Variants in PHF21B observed in about 807,000 individuals in gnomAD.
PHF21B encodes the protein PHD finger protein 21B.
Under a neutral mutation model 62.2 loss-of-function variants are expected in PHF21B, and 22 were observed. That is an observed-to-expected ratio of 0.35 (90% CI 0.25 to 0.51). The LOEUF is 0.51. Ranked by LOEUF, PHF21B falls within the 20% of genes least tolerant of loss-of-function variation. PHF21B has a pLI of 0.97. For synonymous variants in PHF21B, 341 were observed against 314.7 expected, an observed-to-expected ratio of 1.08 and a Z score of -0.88; for missense variants, 701 against 707.9, an observed-to-expected ratio of 0.99 and a Z score of 0.11.
At chr22:44,906,510 G>A (rs988555546) in intron 5 of PHF21B, among the ~76,000 whole-genome samples, 2 of 152,222 alleles carry the variant, frequency 1.3e-5, no homozygotes, top group East Asian at 1.9e-4. Flanking sequence ...TTTGCAGGGC[G>A]TGTACTGATT....
Position 44,916,409 on chromosome 22 carries a change from A to G in PHF21B, c.435T>C (p.Ser145=), listed in dbSNP as rs750413541. The G allele has an allele frequency of 8.8e-6, 14 of 1,598,240 alleles. No individual in the cohort carries two copies. Among genetic ancestry groups the G allele is most frequent in the Non-Finnish European group, 1.2e-5 (14 of 1,177,146 alleles). ...EPAALASPLS[S]AGVAYAIIST... ...AGATGATGGCGTAGGCCACCCCCGC[A>G]CTGCTCAGCGGAGAGGCGAGGGCGG... Residue 145 remains serine (S), a synonymous_variant, in exon 4 of 13, where the codon AGT becomes AGC. Transcript: ENST00000313237.
At chr22:44,991,147 T>A (rs984965322) in intron 2 of PHF21B, among the ~76,000 whole-genome samples, 13 of 152,218 alleles carry the variant, frequency 8.5e-5, no homozygotes, top group African/African-American at 2.7e-4. Context: ...CATCCTTCAG[T>A]CATTAACACT....
intron 2 of PHF21B, among the ~76,000 whole-genome samples, chr22:44,999,792 C>T (rs1369641063): frequency 6.6e-6 from 1 of 152,030 alleles, no homozygotes; most frequent in East Asian, 1.9e-4. Context: ...CTCAACAAGG[C>T]CCCCAACCTC....
At chr22:45,000,390 C>T (rs2073193783) in intron 2 of PHF21B, among the ~76,000 whole-genome samples, 1 of 152,104 alleles carries the variant, frequency 6.6e-6, no homozygotes, top group South Asian at 2.1e-4. Flanking sequence ...AGTGTGTCTG[C>T]AGATGGGGCG....
At chr22:44,944,733 G>A (rs1443601327) in intron 2 of PHF21B, among the ~76,000 whole-genome samples, 1 of 152,214 alleles carries the variant, frequency 6.6e-6, no homozygotes, top group Non-Finnish European at 1.5e-5. Context: ...CCAGAGCCAG[G>A]AAGAAACAAG....
chr22:44,961,795 T>C (rs2072426061), intron 2 of PHF21B, among the ~76,000 whole-genome samples: 1 of 151,742 alleles, frequency 6.6e-6, no homozygotes, highest in Non-Finnish European at 1.5e-5. Context: ...GAGCCGAGGT[T>C]GCGCGCACCA....
intron 2 of PHF21B, among the ~76,000 whole-genome samples, chr22:44,927,553 G>A (rs939075938): frequency 1.3e-5 from 2 of 152,142 alleles, no homozygotes. Flanking sequence ...CCCTGGGGAC[G>A]GTGGGTTCCT....
intron 2 of PHF21B, among the ~76,000 whole-genome samples, chr22:44,966,196 G>A (rs2072521779): frequency 6.6e-6 from 1 of 152,172 alleles, no homozygotes; most frequent in African/African-American, 2.4e-5. Context: ...AGGCTCCGGG[G>A]CCCCAACCCA....
At chr22:44,979,995 G>C (rs150773570) in intron 2 of PHF21B, among the ~76,000 whole-genome samples, 90 of 140,334 alleles carry the variant, frequency 6.4e-4, no homozygotes, top group African/African-American at 2.2e-3. Flanking sequence ...CTTGAACCCG[G>C]GAGACAGAGG....
intron 2 of PHF21B, among the ~76,000 whole-genome samples, chr22:44,986,571 G>A (rs976846787): frequency 6.7e-6 from 1 of 150,368 alleles, no homozygotes; most frequent in Non-Finnish European, 1.5e-5. Flanking sequence ...GATAGCAAAG[G>A]CTCAGTGACC....
chr22:44,917,416 T>G (rs1309965917), intron 3 of PHF21B, among the ~76,000 whole-genome samples: 3 of 152,036 alleles, frequency 2.0e-5, no homozygotes, highest in East Asian at 3.9e-4. Context: ...ATGGTGGAAA[T>G]TCCCATCAGA....
At chr22:44,914,230 G>A (rs867538296) in intron 4 of PHF21B, 142 bp from the exon 5 acceptor site, 3 of 565,944 alleles carry the variant, frequency 5.3e-6, no homozygotes, top group Non-Finnish European at 9.5e-6. Context: ...CCGGGAACTG[G>A]GTGGTTTGCG....
intron 5 of PHF21B, chr22:44,902,144 G>T: frequency 9.4e-6 from 2 of 213,558 alleles, no homozygotes; most frequent in South Asian, 7.2e-5. Flanking sequence ...ATTTGCCATT[G>T]CCACCTCAAC....
At chr22:44,959,210 G>A (rs1036382550) in intron 2 of PHF21B, among the ~76,000 whole-genome samples, 4 of 152,194 alleles carry the variant, frequency 2.6e-5, no homozygotes, top group African/African-American at 9.7e-5. Context: ...GACGAGGCTC[G>A]CATGCCTTCT....
At chr22:45,002,279 G>GT (rs1226863794) in intron 2 of PHF21B, among the ~76,000 whole-genome samples, 2 of 152,152 alleles carry the variant, frequency 1.3e-5, no homozygotes, top group African/African-American at 4.8e-5. Context: ...GAATAAAAAT[G>GT]TAACTGGTAA....
intron 2 of PHF21B, among the ~76,000 whole-genome samples, chr22:44,959,763 G>C (rs1024290921): frequency 2.0e-4 from 31 of 152,312 alleles, no homozygotes; most frequent in African/African-American, 7.5e-4. Flanking sequence ...ATGACCACCA[G>C]GGGAACAGGA....
At chr22:44,979,427 T>G (rs529183186) in intron 2 of PHF21B, among the ~76,000 whole-genome samples, 3,087 of 152,334 alleles carry the variant, frequency 0.02, 96 homozygotes, top group African/African-American at 0.07. Context: ...CAGGCGGGGC[T>G]GCAGGACTGC....
At chr22:44,906,302 T>C (rs1341232041) in intron 5 of PHF21B, among the ~76,000 whole-genome samples, 3 of 152,160 alleles carry the variant, frequency 2.0e-5, no homozygotes, top group Non-Finnish European at 4.4e-5. Flanking sequence ...CTTAGTTATT[T>C]CTGAATTTTG....
chr22:44,990,097 G>C (rs1258413449), intron 2 of PHF21B, among the ~76,000 whole-genome samples: 1 of 152,198 alleles, frequency 6.6e-6, no homozygotes, highest in Non-Finnish European at 1.5e-5. Flanking sequence ...ACTAGGGGCT[G>C]GGGGAAGCCA....
Sources: gnomAD v4.1 joint callset for allele counts (sites outside exome capture counted in the v4.1 genomes callset) on GRCh38, gnomAD v4.1.1 for gene constraint, MANE v1.5 for transcripts, NCBI Gene and HGNC (gene_info 2026-07-23, HGNC 2026-07-21) for gene names.